The following MATN2 variants were observed in gnomAD, a reference collection of about 807,000 sequenced individuals.
MATN2 encodes the protein matrilin-2.
Under a neutral mutation model 103.2 loss-of-function variants are expected in MATN2, and 69 were observed. That is an observed-to-expected ratio of 0.67 (90% confidence interval 0.55 to 0.82). The LOEUF (loss-of-function observed/expected upper bound fraction) is 0.82. Among genes scored for constraint, MATN2 ranks in the 40% least tolerant of loss-of-function variants. The pLI is 0.00. For missense variants in MATN2, 1,023 were observed against 1,211.5 expected, an observed-to-expected ratio of 0.84 and a Z score of 2.31; for synonymous variants, 429 against 450.2, an observed-to-expected ratio of 0.95 and a Z score of 0.60.
At chr8:97,981,228 A>G (rs1450166885) in intron 6 of MATN2, among the ~76,000 whole-genome samples, 1 of 151,338 alleles carries the variant, frequency 6.6e-6, no homozygotes, top group Non-Finnish European at 1.5e-5. Context: ...GGTTTCAAAG[A>G]CTTTATTTAT....
chr8:98,004,910 G>A (rs1283603745), intron 8 of MATN2, among the ~76,000 whole-genome samples: 1 of 152,232 alleles, frequency 6.6e-6, no homozygotes, highest in Non-Finnish European at 1.5e-5. Flanking sequence ...CAGGATAGGA[G>A]CGCCTGAGTG....
rs112812660 is a variant in MATN2, at chr8:98,002,947, G to A, written c.1205-714G>A. 1.4e-3 allele frequency among the ~76,000 whole-genome samples: 210 copies of A among 152,116 alleles called. 1 individual carries two copies. The highest frequency in any genetic ancestry group is 4.2e-3 in the African/African-American group (175 of 41,486). On this transcript the variant is annotated intron_variant, in intron 7 of 18. Coordinates refer to ENST00000254898, the MANE Select transcript of MATN2 (RefSeq NM_002380.5). Reference sequence around the variant, plus strand: ...ATCCATCCTGGGGCTTGCAAAGCCCGCACGTCCAGTCATGCTCAGGTGGGC... The same window carrying A: ...ATCCATCCTGGGGCTTGCAAAGCCCACACGTCCAGTCATGCTCAGGTGGGC...
chr8:98,032,807 C>T (rs1176609506), intron 16 of MATN2, among the ~76,000 whole-genome samples: 7 of 152,142 alleles, frequency 4.6e-5, no homozygotes, highest in African/African-American at 1.7e-4. Flanking sequence ...GCTGGGATTA[C>T]AGACATGAGC....
At chr8:98,026,917 T>C (rs1218043032) in intron 13 of MATN2, among the ~76,000 whole-genome samples, 1 of 152,128 alleles carries the variant, frequency 6.6e-6, no homozygotes, top group Non-Finnish European at 1.5e-5. Context: ...AATAAATTAG[T>C]AGTGTTTGGG....
Position 98,007,130 on chromosome 8 carries a change from C to T in MATN2, c.1353C>T (p.Asp451=). The change falls in exon 9 of 19, where the codon GAC becomes GAT. Residue 451 remains aspartate, a synonymous_variant. Transcript: ENST00000254898. This position sits in a 1 kb window ranked among gnomAD's most constrained non-coding sequence, Gnocchi z 4.2. ...CSRVDHCAQQ[D]HGCEQLCLNT... ...GAGTGGACCACTGTGCACAGCAGGA[C>T]CATGGCTGTGAGCAGCTGTGTCTGA... 6.2e-7 allele frequency: 1 copy of T among 1,612,254 alleles called. No individual in the cohort carries two copies. The highest frequency in any genetic ancestry group is 8.5e-7 in the Non-Finnish European group (1 of 1,179,196).
chr8:97,877,034 CTCTG>C (rs1354140084), intron 1 of MATN2, among the ~76,000 whole-genome samples: 2 of 134,754 alleles, frequency 1.5e-5, no homozygotes, highest in African/African-American at 5.6e-5. Context: ...GAGATAAGGT[CTCTG>C]TCTGTCACCC....
rs768146123 is a variant in MATN2 at position 98,027,545 on chromosome 8, C to T, written c.2072C>T (p.Ala691Val). 13 of 1,613,804 alleles carry T rather than the reference C, an allele frequency of 8.1e-6. No individual in the cohort carries two copies. In the Admixed American group the frequency reaches 1.8e-4, roughly 23 times the overall value. ...IIDSLTISPK[A>V]ARVGLLQYST... ...GATTCCTTGACAATTTCCCCCAAAG[C>T]CGCTCGAGTGGGGCTGCTCCAGTAT... is the stretch of plus-strand genomic sequence containing the variant. Residue 691 changes from alanine (A) to valine (V), a missense_variant, in exon 14 of 19, where the codon GCC (alanine) becomes GTC (valine). Coordinates refer to ENST00000254898, the MANE Select transcript of MATN2 (RefSeq NM_002380.5).
Position 98,021,331 on chromosome 8 carries a change from A to G in MATN2, c.1942+4A>G, listed in dbSNP as rs1443712596. 1 of 1,612,354 alleles carries G rather than the reference A, an allele frequency of 6.2e-7. No individual in the cohort carries two copies. The highest frequency in any genetic ancestry group is 8.5e-7 in the Non-Finnish European group (1 of 1,178,986). On this transcript the variant is annotated splice_donor_region_variant and intron_variant, in intron 13 of 18. Transcript: ENST00000254898. Reference sequence around the variant, plus strand: ...GAGGACGGAAGACGGTGCAAGAGTAAGTGATCTGAACTTGGCTCTCTGCTT... The same window carrying G: ...GAGGACGGAAGACGGTGCAAGAGTAGGTGATCTGAACTTGGCTCTCTGCTT...
intron 5 of MATN2, among the ~76,000 whole-genome samples, chr8:97,962,213 A>G (rs1424964807): frequency 6.6e-6 from 1 of 152,222 alleles, no homozygotes; most frequent in African/African-American, 2.4e-5. Flanking sequence ...TGTTTCATAA[A>G]CTGAACTGAA....
rs148328392 is a variant in MATN2 at position 98,029,584 on chromosome 8, C to T, written c.2357-878C>T. 7.6e-4 allele frequency among the ~76,000 whole-genome samples: 116 copies of T among 152,274 alleles called. 2 individuals carry two copies. In the East Asian group the frequency reaches 0.019, roughly 25 times the overall value. ...ATAGTAGTTATCCTTTTTAGGAAGT[C>T]GTGCATAAAATCACTGGGCTCCCGG... On this transcript the variant is annotated intron_variant, in intron 14 of 18. Coordinates refer to ENST00000254898, the MANE Select transcript of MATN2 (RefSeq NM_002380.5).
rs910194266 is a variant in MATN2 at position 98,004,660 on chromosome 8, G to A, written c.1327+877G>A. Among the ~76,000 whole-genome samples the A allele has an allele frequency of 4.6e-5, 7 of 152,350 alleles. No homozygotes were observed. The South Asian group carries it at 1.2e-3, about 27-fold the overall frequency. On this transcript the variant is annotated intron_variant, in intron 8 of 18. Transcript: ENST00000254898. ...CCTGTGAGAGGGGCCAGTGCCTGGC[G>A]CCAGACTGGGACAAGAGGCCGGAGG...
intron 7 of MATN2, among the ~76,000 whole-genome samples, chr8:97,999,588 T>A (rs544590650): frequency 6.6e-6 from 1 of 152,324 alleles, no homozygotes; most frequent in South Asian, 2.1e-4. Context: ...TGGCACTCAG[T>A]TATGGCCTGC....
At chr8:97,899,738 A>G (rs1287249020) in intron 2 of MATN2, among the ~76,000 whole-genome samples, 2 of 152,200 alleles carry the variant, frequency 1.3e-5, no homozygotes, top group Non-Finnish European at 2.9e-5. Context: ...GGACTTCAAC[A>G]TATGAATCGC....
At chr8:97,995,440 G>A (rs1221417351) in intron 7 of MATN2, among the ~76,000 whole-genome samples, 2 of 152,080 alleles carry the variant, frequency 1.3e-5, no homozygotes, top group Non-Finnish European at 2.9e-5. Flanking sequence ...AGGCGTGCAA[G>A]TTGTGAATTT....
intron 18 of MATN2, 24 bp from the exon 19 acceptor site, chr8:98,035,633 C>T: frequency 6.9e-7 from 1 of 1,440,020 alleles, no homozygotes. Context: ...GACAATTCTT[C>T]ATCTTCCTTA....
intron 4 of MATN2, among the ~76,000 whole-genome samples, chr8:97,946,557 C>T (rs1810758368): frequency 6.6e-6 from 1 of 152,192 alleles, no homozygotes; most frequent in Non-Finnish European, 1.5e-5. Flanking sequence ...GCTATTTCCC[C>T]TTATCCTTCC....
intron 2 of MATN2, among the ~76,000 whole-genome samples, chr8:97,890,464 C>CAAA (rs553728394): frequency 2.4e-5 from 2 of 84,254 alleles, no homozygotes; most frequent in African/African-American, 7.3e-5. Flanking sequence ...GACTCTGTCT[C>CAAA]AAAAAAAAAA....
chr8:97,972,247 A>G (rs929388763), intron 5 of MATN2, among the ~76,000 whole-genome samples: 2 of 149,806 alleles, frequency 1.3e-5, no homozygotes, highest in Middle Eastern at 3.4e-3. Flanking sequence ...CTGAGGTGGG[A>G]GGATGGCTTG....
intron 3 of MATN2, among the ~76,000 whole-genome samples, chr8:97,936,650 T>G (rs193200421): frequency 3.9e-5 from 6 of 152,298 alleles, no homozygotes; most frequent in African/African-American, 1.4e-4. Flanking sequence ...GGCTGCTGAT[T>G]AGTTATTCCT....
Sources: gnomAD v4.1 joint callset for allele counts (sites outside exome capture counted in the v4.1 genomes callset) on GRCh38, gnomAD v4.1.1 for gene constraint, Gnocchi (gnomAD v3.1) non-coding constraint, MANE v1.5 for transcripts, NCBI Gene and HGNC (gene_info 2026-07-23, HGNC 2026-07-21) for gene names.